INPP5K: variants seen among roughly 807,000 people sequenced by gnomAD.
INPP5K encodes inositol polyphosphate-5-phosphatase K, also known as inositol polyphosphate 5-phosphatase K.
Under a neutral mutation model 53.5 loss-of-function variants are expected in INPP5K, and 35 were observed. The ratio of observed to expected loss-of-function variants is 0.65; its 90% CI spans 0.50 to 0.87. INPP5K has a LOEUF of 0.87. Among genes scored for constraint, INPP5K ranks in the 40% least tolerant of loss-of-function variants. INPP5K has a pLI of 0.00. For missense variants in INPP5K, 550 were observed against 586.2 expected (o/e 0.94, Z 0.64); for synonymous variants, 253 against 232.8 (o/e 1.09, Z -0.79).
At chr17:1,509,463 AG>A (rs2075255371) in intron 4 of INPP5K, 110 bp from the exon 5 acceptor site, 2 of 1,107,788 alleles carry the variant, frequency 1.8e-6, no homozygotes, top group South Asian at 2.9e-5. Flanking sequence ...AGGGTCTCCT[AG>A]GGACAGTAAC....
At chr17:1,513,805 C>A in intron 2 of INPP5K, 67 bp downstream of exon 2, 1 of 1,266,774 alleles carries the variant, frequency 7.9e-7, no homozygotes, top group Non-Finnish European at 1.1e-6. Context: ...GAGGGCAGGT[C>A]ACAGTGCTTC....
At chr17:1,501,851 T>A (rs1372951062) in intron 7 of INPP5K, among the ~76,000 whole-genome samples, 1 of 145,260 alleles carries the variant, frequency 6.9e-6, no homozygotes, top group Non-Finnish European at 1.5e-5. Flanking sequence ...ACCCCGTCTC[T>A]ACTAAAAACA....
intron 3 of INPP5K, among the ~76,000 whole-genome samples, chr17:1,510,041 G>T (rs1272765111): frequency 6.6e-6 from 1 of 152,258 alleles, no homozygotes; most frequent in Non-Finnish European, 1.5e-5. Context: ...CGGGTGGCGG[G>T]AAGAGAAGAT....
rs748921781 is a variant in INPP5K at position 1,503,185 on chromosome 17, C to CTTT, written c.776+3792_776+3794dup. ...AGAGGTGTGACCCATCACGCCTGGCCTTTTTTTTTTTTTTTTGAGACGAAG... is the reference window on the plus strand; with the variant it reads ...AGAGGTGTGACCCATCACGCCTGGCCTTTTTTTTTTTTTTTTTTTGAGACGAAG... On this transcript the variant is annotated intron_variant, in intron 7 of 11. Coordinates refer to ENST00000421807, the MANE Select transcript of INPP5K (RefSeq NM_016532.4). 5.9e-5 allele frequency among the ~76,000 whole-genome samples: 8 copies of CTTT among 135,632 alleles called. No homozygotes were observed. In the South Asian group the frequency reaches 1.4e-3, roughly 24 times the overall value. 89.0% of individuals were successfully genotyped at this position (135,632 alleles called of 152,430 possible). A position where few individuals can be genotyped will look rare whatever the true frequency, so the allele number is the denominator to read the frequency against.
At chr17:1,514,111 T>G in intron 1 of INPP5K, 132 bp from the exon 2 acceptor site, 1 of 484,956 alleles carries the variant, frequency 2.1e-6, no homozygotes, top group Non-Finnish European at 3.7e-6. Flanking sequence ...TCACCTGAGG[T>G]CGGGAGTTCG....
intron 5 of INPP5K, chr17:1,508,970 C>T (rs1598384801): frequency 2.3e-5 from 11 of 483,534 alleles, no homozygotes; most frequent in East Asian, 3.6e-5. Flanking sequence ...GGGCAGAGGG[C>T]GGGGAACAGT....
intron 7 of INPP5K, among the ~76,000 whole-genome samples, chr17:1,506,429 C>G (rs1259515915): frequency 1.3e-5 from 2 of 152,176 alleles, no homozygotes; most frequent in African/African-American, 4.8e-5. Context: ...TCATCCACAC[C>G]TTATAGCTGA....
At chr17:1,508,283 TCAC>T (rs1395005286) in intron 5 of INPP5K, 57 bp from the exon 6 acceptor site, 32 of 1,384,770 alleles carry the variant, frequency 2.3e-5, no homozygotes, top group Non-Finnish European at 3.3e-5. Flanking sequence ...GGAAGGGAGA[TCAC>T]CAGGTGGCTC....
intron 4 of INPP5K, 135 bp from the exon 5 acceptor site, chr17:1,509,488 G>T (rs1375304510): frequency 1.0e-6 from 1 of 960,124 alleles, no homozygotes; most frequent in Admixed American, 2.3e-5. Context: ...GCTTCCCAGG[G>T]TGATCTCTCC....
chr17:1,509,354 CT>C lies in INPP5K; in HGVS notation c.379-2del. 6.2e-7 allele frequency: 1 copy of C among 1,611,824 alleles called. No individual in the cohort carries two copies. The highest frequency in any genetic ancestry group is 8.5e-7 in the Non-Finnish European group (1 of 1,178,414). On this transcript the variant is annotated splice_acceptor_variant, in intron 4 of 11. Transcript: ENST00000421807. LOFTEE classifies it high-confidence loss of function. ...AGATGTTGACTCCACCTTTGTTCCC[CT>C]GGTAGAACAGGTCAACAGAAGAGTG...
intron 3 of INPP5K, among the ~76,000 whole-genome samples, chr17:1,512,925 T>C (rs2075342359): frequency 6.6e-6 from 1 of 152,214 alleles, no homozygotes; most frequent in Non-Finnish European, 1.5e-5. Context: ...ACTTGGGTTA[T>C]GAAGTTTGAG....
At position 1,495,118 on chromosome 17, in the gene INPP5K, G is replaced by C. The variant is rs111252163; in HGVS notation, c.*705C>G. ...TGGGACTCAAGCTACCAACGGAAGC[G>C]AACCTGGATCCTTCCCAGTTCTCTC... On this transcript the variant is annotated 3_prime_UTR_variant, in exon 12 of 12. Coordinates refer to ENST00000421807, the MANE Select transcript of INPP5K (RefSeq NM_016532.4). 1.3e-5 allele frequency: 2 copies of C among 152,214 alleles called. No individual in the cohort carries two copies. The highest frequency in any genetic ancestry group is 4.8e-5 in the African/African-American group (2 of 41,444). The allele number at this position is 152,214 out of a possible 1,614,324, so 9.4% of individuals were successfully genotyped here. A position where few individuals can be genotyped will look rare whatever the true frequency, so the allele number is the denominator to read the frequency against.
intron 9 of INPP5K, 113 bp downstream of exon 9, chr17:1,496,553 C>G: frequency 6.9e-7 from 1 of 1,452,456 alleles, no homozygotes; most frequent in South Asian, 1.2e-5. Flanking sequence ...ACAGAAGAAC[C>G]GCTGGGGTGG....
intron 3 of INPP5K, 104 bp downstream of exon 3, chr17:1,513,349 T>C: frequency 8.2e-6 from 8 of 974,640 alleles, no homozygotes; most frequent in Non-Finnish European, 1.3e-5. Flanking sequence ...GGAAACAGCA[T>C]GAAAGGCTGA....
chr17:1,507,998 C>A (rs963524140), intron 6 of INPP5K, 117 bp downstream of exon 6: 10 of 782,130 alleles, frequency 1.3e-5, no homozygotes, highest in Non-Finnish European at 1.8e-5. Flanking sequence ...CAGCCTCCCC[C>A]ACCAGACCTG....
chr17:1,507,846 CT>C (rs2075199136), intron 6 of INPP5K: 2 of 332,020 alleles, frequency 6.0e-6, no homozygotes, highest in Non-Finnish European at 1.1e-5. Context: ...TGCCCGGCCC[CT>C]ATTCTTCTTT....
chr17:1,509,731 G>A lies in INPP5K; in HGVS notation c.330C>T (p.Ile110=). The A allele has an allele frequency of 1.9e-6, 3 of 1,613,802 alleles. No homozygotes were observed. Among genetic ancestry groups the A allele is most frequent in the Non-Finnish European group, 2.5e-6 (3 of 1,179,736 alleles). Residue 110 remains isoleucine (I), a synonymous_variant, in exon 4 of 12, where the codon ATC becomes ATT. Coordinates refer to ENST00000421807, the MANE Select transcript of INPP5K (RefSeq NM_016532.4). ...VFAKYQHLPY[I]QILSTKSTPT... The stretch of plus-strand genomic sequence containing the variant: ...GGGTGGATTTAGTAGACAGAATCTG[G>A]ATATAGGGCAAATGCTGATACTTGG...
At chr17:1,513,772 A>G (rs1255817295) in intron 2 of INPP5K, 100 bp downstream of exon 2, 2 of 1,021,646 alleles carry the variant, frequency 2.0e-6, no homozygotes, top group Non-Finnish European at 1.5e-6. Flanking sequence ...GAAAGCTCCC[A>G]GCCTTCAGAC....
intron 8 of INPP5K, 160 bp downstream of exon 8, chr17:1,497,776 A>G: frequency 3.1e-6 from 2 of 647,720 alleles, no homozygotes; most frequent in East Asian, 2.6e-5. Flanking sequence ...AACGGCTCCT[A>G]AGAGGAGCTG....
Sources: allele counts gnomAD v4.1 joint callset (sites outside exome capture counted in the v4.1 genomes callset), GRCh38; gene constraint gnomAD v4.1.1; transcripts MANE v1.5; gene names NCBI Gene and HGNC (gene_info 2026-07-23, HGNC 2026-07-21).